The following ROCK2 variants were observed in gnomAD, a reference collection of about 807,000 sequenced individuals.
ROCK2 encodes Rho associated coiled-coil containing protein kinase 2, also known as rho-associated protein kinase 2.
In ROCK2, 61 loss-of-function variants were observed where a neutral mutation model predicts 195.1. The ratio of observed to expected loss-of-function variants is 0.31; its 90% CI spans 0.25 to 0.39. The LOEUF (loss-of-function observed/expected upper bound fraction) is 0.39. Ranked by LOEUF, ROCK2 falls within the 10% of genes least tolerant of loss-of-function variation. ROCK2 has a pLI of 1.00. For synonymous variants in ROCK2, 504 were observed against 545.5 expected, an observed-to-expected ratio of 0.92 and a Z score of 1.06; for missense variants, 1,109 against 1,637.4, an observed-to-expected ratio of 0.68 and a Z score of 5.57.
Position 11,221,207 on chromosome 2 carries a change from C to A in ROCK2, c.1250G>T (p.Arg417Ile). ...ATAATAAACCACATACAAATTTTCT[C>A]TATAGTAGGTAAATCCGATGAAAGG... ...QLPFIGFTYY[R>I]ENLLLSDSPS... Residue 417 changes from arginine to isoleucine, a missense_variant, in exon 9 of 33, where the codon AGA (arginine) becomes ATA (isoleucine). Around this residue, in one of 6 missense-constraint regions of ROCK2, gnomAD observed 542 missense variants for 672.0 expected, o/e 0.81. Coordinates refer to ENST00000315872, the MANE Select transcript of ROCK2 (RefSeq NM_004850.5). The A allele has an allele frequency of 1.3e-6, 2 of 1,561,190 alleles. No homozygotes were observed. The highest frequency in any genetic ancestry group is 1.7e-6 in the Non-Finnish European group (2 of 1,161,188).
rs146793852 is a variant in ROCK2 at position 11,188,204 on chromosome 2, G to A, written c.4163+3944C>T. Among the ~76,000 whole-genome samples, 249 of 147,958 alleles carry A rather than the reference G, an allele frequency of 1.7e-3. 1 individual carries two copies. The highest frequency in any genetic ancestry group is 5.9e-3 in the African/African-American group (237 of 39,880). On this transcript the variant is annotated intron_variant, in intron 32 of 32. Transcript: ENST00000315872. ...CGGCTTACTGCAACCTCCACCTCCT[G>A]GGTTCAAGCAATTCTCTGCCTCAGC...
chr2:11,264,275 A>G (rs927307842), intron 3 of ROCK2, among the ~76,000 whole-genome samples: 4 of 152,154 alleles, frequency 2.6e-5, no homozygotes, highest in Non-Finnish European at 5.9e-5. Context: ...GTGTTCATAC[A>G]TAACTGGATA....
At chr2:11,220,734 A>C (rs997946093) in intron 9 of ROCK2, among the ~76,000 whole-genome samples, 24 of 151,904 alleles carry the variant, frequency 1.6e-4, no homozygotes, top group African/African-American at 5.8e-4. Flanking sequence ...CATTTCAGCC[A>C]CTCAAAACCT....
intron 3 of ROCK2, among the ~76,000 whole-genome samples, chr2:11,279,934 G>C (rs1269597805): frequency 6.6e-6 from 1 of 151,918 alleles, no homozygotes; most frequent in Non-Finnish European, 1.5e-5. Flanking sequence ...AATAACTCTT[G>C]GGTCAAAGAA....
intron 3 of ROCK2, among the ~76,000 whole-genome samples, chr2:11,264,110 T>C (rs1262454015): frequency 6.6e-6 from 1 of 152,096 alleles, no homozygotes; most frequent in Non-Finnish European, 1.5e-5. Context: ...GTCTGCTAAA[T>C]AGTAATGTCA....
chr2:11,291,241 A>G (rs1229566978), intron 1 of ROCK2, among the ~76,000 whole-genome samples: 1 of 152,212 alleles, frequency 6.6e-6, no homozygotes, highest in Non-Finnish European at 1.5e-5. Flanking sequence ...TTCACTGTAC[A>G]CTGCTTCTTA....
At chr2:11,312,895 C>T (rs1668079519) in intron 1 of ROCK2, among the ~76,000 whole-genome samples, 4 of 152,042 alleles carry the variant, frequency 2.6e-5, no homozygotes, top group African/African-American at 7.2e-5. Context: ...TGGACAATTC[C>T]ATTTATATGA....
At position 11,201,356 on chromosome 2, in the gene ROCK2, G is replaced by C. The variant is rs777160284; in HGVS notation, c.2677C>G (p.Leu893Val). The change falls in exon 22 of 33, where the codon CTT (leucine) becomes GTT (valine). Residue 893 changes from leucine (L) to valine (V), a missense_variant. This residue lies in a region of ROCK2 where 542 missense variants were observed against 672.0 expected (regional missense o/e 0.81). Transcript: ENST00000315872. The surrounding 1 kb of genome is among the most constrained non-coding windows in gnomAD (Gnocchi z 4.6). Reference sequence around the variant, plus strand: ...TTCTTCTGCTGCAATTCTTTACCAAGTTTGGTCTTTTCTTCACATTCTTCT... The same window carrying C: ...TTCTTCTGCTGCAATTCTTTACCAACTTTGGTCTTTTCTTCACATTCTTCT... ...LKEECEEKTKLGKELQQKKQE... is the reference protein window; with the variant it reads ...LKEECEEKTKVGKELQQKKQE... 2 of 1,613,222 alleles carry C rather than the reference G, an allele frequency of 1.2e-6. No individual in the cohort carries two copies. Among genetic ancestry groups the C allele is most frequent in the East Asian group, 4.5e-5 (2 of 44,846 alleles).
rs934734027 is a variant in ROCK2, at chr2:11,235,582, T to G, written c.723+120A>C. The G allele has an allele frequency of 2.0e-6, 2 of 977,156 alleles. No individual in the cohort carries two copies. The highest frequency in any genetic ancestry group is 3.3e-5 in the African/African-American group (2 of 61,246). 60.5% of individuals were successfully genotyped at this position (977,156 alleles called of 1,614,324 possible). On this transcript the variant is annotated intron_variant, in intron 5 of 32. Coordinates refer to ENST00000315872, the MANE Select transcript of ROCK2 (RefSeq NM_004850.5). The surrounding 1 kb of genome is among the most constrained non-coding windows in gnomAD (Gnocchi z 4.2). The stretch of plus-strand genomic sequence containing the variant: ...TTAAGTTGGTTATATCTTGTTTGGG[T>G]GCTATACAGTTATGAAAACTAAATT...
chr2:11,261,684 G>T (rs1285328587), intron 3 of ROCK2, among the ~76,000 whole-genome samples: 1 of 152,118 alleles, frequency 6.6e-6, no homozygotes, highest in Non-Finnish European at 1.5e-5. Context: ...GGGCGTGGTG[G>T]CAGGCACCTG....
chr2:11,295,966 A>AAGAG lies in ROCK2; in HGVS notation c.142-8234_142-8231dup, dbSNP rs11413362. Among the ~76,000 whole-genome samples, 760 of 77,748 alleles carry AAGAG rather than the reference A, an allele frequency of 9.8e-3. 23 individuals carry two copies. Among genetic ancestry groups the AAGAG allele is most frequent in the African/African-American group, 0.026 (598 of 22,856 alleles). 51.0% of individuals were successfully genotyped at this position (77,748 alleles called of 152,430 possible). ...AGCGAGATTCCATCTCAAAAAACAA[A>AAGAG]AGAGAGAGAGAGAGAGAGAGAGAGG... is the stretch of plus-strand genomic sequence containing the variant. On this transcript the variant is annotated intron_variant, in intron 1 of 32. Coordinates refer to ENST00000315872, the MANE Select transcript of ROCK2 (RefSeq NM_004850.5).
chr2:11,328,873 C>G (rs1178002042), intron 1 of ROCK2, among the ~76,000 whole-genome samples: 1 of 145,820 alleles, frequency 6.9e-6, no homozygotes, highest in East Asian at 2.0e-4. Context: ...ACAATGAGAA[C>G]ACATGGACAC....
chr2:11,282,677 T>C (rs1667049238), intron 3 of ROCK2, among the ~76,000 whole-genome samples: 1 of 149,042 alleles, frequency 6.7e-6, no homozygotes, highest in African/African-American at 2.5e-5. Context: ...AAACCTAAAT[T>C]ATCTTGATTA....
chr2:11,260,303 C>G (rs1031367773), intron 3 of ROCK2, among the ~76,000 whole-genome samples: 8 of 151,962 alleles, frequency 5.3e-5, no homozygotes, highest in African/African-American at 1.9e-4. Context: ...CAAAAATTAG[C>G]TGGGTGTGGT....
chr2:11,295,983 AGAGAGAG>A (rs1294239264), intron 1 of ROCK2, among the ~76,000 whole-genome samples: 4 of 58,856 alleles, frequency 6.8e-5, no homozygotes, highest in East Asian at 6.8e-4. Context: ...AGAGAGAGAG[AGAGAGAG>A]GAGAGAGAGA....
chr2:11,236,948 C>A (rs1343136851), intron 4 of ROCK2, among the ~76,000 whole-genome samples: 1 of 152,014 alleles, frequency 6.6e-6, no homozygotes, highest in Non-Finnish European at 1.5e-5. Context: ...GTCAGGAGTT[C>A]GAGACCAGCC....
At chr2:11,191,772 G>A (rs534124994) in intron 32 of ROCK2, among the ~76,000 whole-genome samples, 1 of 152,194 alleles carries the variant, frequency 6.6e-6, no homozygotes, top group Admixed American at 6.5e-5. Context: ...TTCTCATCAA[G>A]GTTATAACAG....
At chr2:11,265,306 T>C (rs1666375379) in intron 3 of ROCK2, among the ~76,000 whole-genome samples, 1 of 152,180 alleles carries the variant, frequency 6.6e-6, no homozygotes. Context: ...AGATATCAAA[T>C]TAATAAGAGT....
At chr2:11,226,481 G>A (rs1482480792) in intron 6 of ROCK2, among the ~76,000 whole-genome samples, 2 of 152,082 alleles carry the variant, frequency 1.3e-5, no homozygotes, top group African/African-American at 2.4e-5. Context: ...TATGCAAGAA[G>A]TAAATGGAAG....
Sources: allele counts gnomAD v4.1 joint callset (sites outside exome capture counted in the v4.1 genomes callset), GRCh38; gene constraint gnomAD v4.1.1; regional missense constraint gnomAD v4.1.1; non-coding constraint Gnocchi (gnomAD v3.1); transcripts MANE v1.5; gene names NCBI Gene and HGNC (gene_info 2026-07-23, HGNC 2026-07-21).